The following PCDHGA5 variants were observed in gnomAD, a reference collection of about 807,000 sequenced individuals.
PCDHGA5 encodes protocadherin gamma subfamily A, 5, also known as protocadherin gamma-A5.
In PCDHGA5, 36 loss-of-function variants were observed where a neutral mutation model predicts 56.7. That is an observed-to-expected ratio of 0.64 (90% confidence interval 0.49 to 0.84). The LOEUF is 0.84. Among genes scored for constraint, PCDHGA5 ranks in the 40% least tolerant of loss-of-function variants. PCDHGA5 has a pLI of 0.00. For synonymous variants in PCDHGA5, 563 were observed against 520.2 expected (o/e 1.08, Z -1.12); for missense variants, 1,305 against 1,201.5 (o/e 1.09, Z -1.27).
chr5:141,371,562 T>G, intron 1 of PCDHGA5: 1 of 1,613,852 alleles, frequency 6.2e-7, no homozygotes, highest in Non-Finnish European at 8.5e-7. Context: ...AAAAGGAAAC[T>G]TCCCCTTTAA....
intron 1 of PCDHGA5, among the ~76,000 whole-genome samples, chr5:141,439,043 G>T (rs1688170264): frequency 6.6e-6 from 1 of 151,346 alleles, no homozygotes; most frequent in Non-Finnish European, 1.5e-5. Flanking sequence ...CAGTTCATAA[G>T]ATTTCCATAT....
intron 1 of PCDHGA5, chr5:141,423,612 T>G: frequency 6.2e-7 from 1 of 1,611,004 alleles, no homozygotes; most frequent in Non-Finnish European, 8.5e-7. Flanking sequence ...TCTTGATAGC[T>G]GAAGACTCAG....
At chr5:141,423,598 C>A in intron 1 of PCDHGA5, 1 of 1,612,940 alleles carries the variant, frequency 6.2e-7, no homozygotes, top group East Asian at 2.2e-5. Flanking sequence ...GAAAAGCGAG[C>A]CACTCTTGAT....
intron 1 of PCDHGA5, among the ~76,000 whole-genome samples, chr5:141,446,719 G>C (rs899985752): frequency 2.6e-5 from 4 of 152,056 alleles, no homozygotes; most frequent in Admixed American, 1.3e-4. Flanking sequence ...TGCCCGCCTC[G>C]GCCTCCCAAA....
Position 141,365,429 on chromosome 5 carries a change from G to T in PCDHGA5, c.1099G>T (p.Ala367Ser), listed in dbSNP as rs781264093. 4.3e-6 allele frequency: 7 copies of T among 1,613,990 alleles called. No homozygotes were observed. The highest frequency in any genetic ancestry group is 4.2e-6 in the Non-Finnish European group (5 of 1,179,902). ...AGACTGTCTTCCCGGAACTGTAATC[G>T]CGCTGTTTAGCGTACATGATGGTGA... ...SEDCLPGTVI[A>S]LFSVHDGDSG... The change falls in exon 1 of 4, where the codon GCG (alanine) becomes TCG (serine). Residue 367 changes from alanine to serine, a missense_variant. Coordinates refer to ENST00000518069, the MANE Select transcript of PCDHGA5 (RefSeq NM_018918.3).
intron 1 of PCDHGA5, chr5:141,427,050 G>A (rs974721070): frequency 4.4e-6 from 2 of 457,372 alleles, no homozygotes; most frequent in Non-Finnish European, 4.4e-6. Flanking sequence ...TGTGCCCCCA[G>A]GCACCTCTGT....
intron 1 of PCDHGA5, chr5:141,382,985 G>C (rs769787880): frequency 1.2e-6 from 2 of 1,613,304 alleles, no homozygotes; most frequent in African/African-American, 2.7e-5. Context: ...GCCTGGGCAG[G>C]ACGTATTCTC....
intron 1 of PCDHGA5, chr5:141,377,299 G>A (rs1270863261): frequency 6.6e-6 from 1 of 152,100 alleles, no homozygotes; most frequent in African/African-American, 2.4e-5. Flanking sequence ...ATTTAGGTCA[G>A]TGTTAAAGAT....
chr5:141,471,925 G>A (rs1371923375), intron 1 of PCDHGA5, among the ~76,000 whole-genome samples: 1 of 152,076 alleles, frequency 6.6e-6, no homozygotes, highest in Non-Finnish European at 1.5e-5. Flanking sequence ...AAATTTTGGG[G>A]GTGATGAGAG....
intron 1 of PCDHGA5, among the ~76,000 whole-genome samples, chr5:141,373,599 T>A (rs1769720123): frequency 6.6e-6 from 1 of 152,236 alleles, no homozygotes; most frequent in Non-Finnish European, 1.5e-5. Flanking sequence ...GTGATGATAA[T>A]TCAAAATTTA....
rs530356030 is a variant in PCDHGA5 at position 141,426,463 on chromosome 5, GATTT to G, written c.2421+59716_2421+59719del. 309 of 318,428 alleles carry G rather than the reference GATTT, an allele frequency of 9.7e-4. 2 individuals are homozygous for G. Among genetic ancestry groups the G allele is most frequent in the Non-Finnish European group, 1.6e-3 (252 of 160,518 alleles). 19.7% of individuals were successfully genotyped at this position (318,428 alleles called of 1,614,324 possible). A position where few individuals can be genotyped will look rare whatever the true frequency, so the allele number is the denominator to read the frequency against. ...GGAGGACATGCGGCTGCATGTTCAGGATTTATTGACCTGAAACCTTAGAGTTAGT... is the reference window on the plus strand; with the variant it reads ...GGAGGACATGCGGCTGCATGTTCAGGATTGACCTGAAACCTTAGAGTTAGT... On this transcript the variant is annotated intron_variant, in intron 1 of 3. Transcript: ENST00000518069.
chr5:141,484,096 G>A (rs539388257), intron 1 of PCDHGA5, among the ~76,000 whole-genome samples: 1 of 152,126 alleles, frequency 6.6e-6, no homozygotes, highest in South Asian at 2.1e-4. Flanking sequence ...GTCTTCGTTG[G>A]TAATTAACAA....
intron 1 of PCDHGA5, among the ~76,000 whole-genome samples, chr5:141,380,518 T>A (rs1166161347): frequency 2.6e-5 from 4 of 152,254 alleles, no homozygotes; most frequent in Non-Finnish European, 5.9e-5. Context: ...CTTTAAACTA[T>A]GAAATGATTT....
intron 1 of PCDHGA5, chr5:141,441,671 C>A (rs1027440120): frequency 7.0e-6 from 2 of 287,530 alleles, no homozygotes; most frequent in South Asian, 2.9e-5. Flanking sequence ...GCGCACAGTG[C>A]GCCTTCGACC....
chr5:141,432,823 C>A lies in PCDHGA5; in HGVS notation c.2422-61984C>A. 1 of 1,614,184 alleles carries A rather than the reference C, an allele frequency of 6.2e-7. No homozygotes were observed. Among genetic ancestry groups the A allele is most frequent in the Non-Finnish European group, 8.5e-7 (1 of 1,180,004 alleles). On this transcript the variant is annotated intron_variant, in intron 1 of 3. Transcript: ENST00000518069. The surrounding 1 kb of genome is among the most constrained non-coding windows in gnomAD (Gnocchi z 6.0). ...CTCCAGCTAACTCTGAAACCTCAGA[C>A]CTCACTCTGTACCTGGTGGTAGCGG...
intron 1 of PCDHGA5, among the ~76,000 whole-genome samples, chr5:141,446,824 A>T (rs973108119): frequency 1.3e-5 from 2 of 152,156 alleles, no homozygotes; most frequent in African/African-American, 4.8e-5. Flanking sequence ...AGATGGGTAG[A>T]TCCTTATAAG....
rs1300601208 is a variant in PCDHGA5 at position 141,499,206 on chromosome 5, AC to A, written c.2480+4344del. On this transcript the variant is annotated intron_variant, in intron 2 of 3. Transcript: ENST00000518069. ...ACCATTTCCCCCTTCTTAGGCTGTA[AC>A]CCAGGCCCTGCCCTGCAGCTGTCCC... Among the ~76,000 whole-genome samples the A allele has an allele frequency of 3.3e-5, 5 of 152,062 alleles. No homozygotes were observed. In the East Asian group the frequency reaches 7.7e-4, roughly 24 times the overall value.
chr5:141,463,438 CTTTTTTTTTT>C (rs71576115), intron 1 of PCDHGA5, among the ~76,000 whole-genome samples: 6 of 103,254 alleles, frequency 5.8e-5, no homozygotes, highest in Non-Finnish European at 9.4e-5. Flanking sequence ...TTTCCTTCTC[CTTTTTTTTTT>C]TTTTTTTTTT....
intron 1 of PCDHGA5, chr5:141,383,858 A>T: frequency 6.2e-7 from 1 of 1,613,996 alleles, no homozygotes. Flanking sequence ...ATGGAGGTTC[A>T]GGCTCAAGAT....
Sources: allele counts gnomAD v4.1 joint callset (sites outside exome capture counted in the v4.1 genomes callset), GRCh38; gene constraint gnomAD v4.1.1; non-coding constraint Gnocchi (gnomAD v3.1); transcripts MANE v1.5; gene names NCBI Gene and HGNC (gene_info 2026-07-23, HGNC 2026-07-21).